Variants in AGMO observed in about 807,000 individuals in gnomAD.
AGMO encodes the protein alkylglycerol monooxygenase, also known as glyceryl-ether monooxygenase.
In AGMO, 75 loss-of-function variants were observed where a neutral mutation model predicts 60.2. The ratio of observed to expected loss-of-function variants is 1.25; its 90% confidence interval spans 1.03 to 1.51. The LOEUF (loss-of-function observed/expected upper bound fraction) is 1.51, where lower values mean the gene tolerates loss of function less well. Ranked by LOEUF, AGMO falls within the 40% of genes most tolerant of loss-of-function variation. The pLI is 0.00. For missense variants in AGMO, 763 were observed against 525.5 expected (o/e 1.45, Z -4.42); for synonymous variants, 261 against 177.1 (o/e 1.47, Z -3.76).
chr7:15,340,917 G>A (rs1471957545), intron 12 of AGMO, among the ~76,000 whole-genome samples: 1 of 152,110 alleles, frequency 6.6e-6, no homozygotes, highest in Non-Finnish European at 1.5e-5. Context: ...TTCACTGACA[G>A]CTTGCACCAT....
At chr7:15,118,600 C>T in the AGMO span, among the ~76,000 whole-genome samples, 6 of 152,136 alleles carry the variant, frequency 3.9e-5, 1 homozygote, top group Admixed American at 2.0e-4. Flanking sequence ...TAATATCTTC[C>T]GTGTAGGTAT....
the AGMO span, among the ~76,000 whole-genome samples, chr7:15,119,371 C>T: frequency 2.0e-5 from 3 of 152,044 alleles, no homozygotes; most frequent in Non-Finnish European, 4.4e-5. Context: ...ATAAATTACC[C>T]AGTCTTGGGT....
intron 12 of AGMO, among the ~76,000 whole-genome samples, chr7:15,352,110 G>C (rs777352246): frequency 3.3e-5 from 5 of 152,158 alleles, no homozygotes; most frequent in Non-Finnish European, 5.9e-5. Flanking sequence ...TTAAGCTATA[G>C]CAAGAAGACC....
At chr7:15,532,077 A>G (rs1784383276) in intron 3 of AGMO, among the ~76,000 whole-genome samples, 1 of 152,190 alleles carries the variant, frequency 6.6e-6, no homozygotes, top group Admixed American at 6.5e-5. Flanking sequence ...TATGACTGCA[A>G]TACTGTATGT....
chr7:15,174,781 A>G, the AGMO span, among the ~76,000 whole-genome samples: 1 of 152,008 alleles, frequency 6.6e-6, no homozygotes, highest in African/African-American at 2.4e-5. Flanking sequence ...CATTCCAAAA[A>G]TATTTTTTCT....
chr7:15,536,392 C>T (rs1784484676), intron 3 of AGMO, among the ~76,000 whole-genome samples: 1 of 152,012 alleles, frequency 6.6e-6, no homozygotes, highest in East Asian at 1.9e-4. Context: ...AGTACTTTTA[C>T]CAGCATCATC....
intron 12 of AGMO, among the ~76,000 whole-genome samples, chr7:15,339,354 T>A (rs972172758): frequency 2.0e-5 from 3 of 152,224 alleles, no homozygotes; most frequent in African/African-American, 4.8e-5. Context: ...GTCATTTTTT[T>A]AATTTGAAGA....
At position 15,394,179 on chromosome 7, in the gene AGMO, C is replaced by T. The variant is rs368244667; in HGVS notation, c.610G>A (p.Val204Ile). The part of the protein sequence containing the change: ...LLYQFWIHTE[V>I]INNLGPLELI... Reference sequence around the variant, plus strand: ...TCCAAAGGACCAAGGTTATTGATGACCTGTTTAAAACAGAAGGAATATTTA... The same window carrying T: ...TCCAAAGGACCAAGGTTATTGATGATCTGTTTAAAACAGAAGGAATATTTA... Residue 204 changes from valine to isoleucine, a missense_variant and splice_region_variant, in exon 6 of 13, where the codon GTC (valine) becomes ATC (isoleucine). By Grantham distance (29) the Val-to-Ile change is conservative (BLOSUM62 3). Coordinates refer to ENST00000342526, the MANE Select transcript of AGMO (RefSeq NM_001004320.2). 2 of 1,599,694 alleles carry T rather than the reference C, an allele frequency of 1.3e-6. No homozygotes were observed. The highest frequency in any genetic ancestry group is 8.6e-7 in the Non-Finnish European group (1 of 1,167,450).
At chr7:15,252,590 G>C (rs549895782) in intron 12 of AGMO, among the ~76,000 whole-genome samples, 1 of 152,294 alleles carries the variant, frequency 6.6e-6, no homozygotes, top group Non-Finnish European at 1.5e-5. Context: ...TGAACACCAC[G>C]TGAGCTAGGA....
At chr7:15,212,376 A>G (rs1378332709) in intron 12 of AGMO, among the ~76,000 whole-genome samples, 2 of 151,864 alleles carry the variant, frequency 1.3e-5, no homozygotes, top group African/African-American at 4.8e-5. Context: ...TCATTCACAA[A>G]TATTTATCTC....
intron 5 of AGMO, among the ~76,000 whole-genome samples, chr7:15,395,083 G>A (rs1252207461): frequency 6.6e-6 from 1 of 152,102 alleles, no homozygotes; most frequent in African/African-American, 2.4e-5. Context: ...ACCAACCATG[G>A]CAGATACCAA....
At chr7:15,299,344 T>C (rs1416375195) in intron 12 of AGMO, among the ~76,000 whole-genome samples, 1 of 152,176 alleles carries the variant, frequency 6.6e-6, no homozygotes, top group Non-Finnish European at 1.5e-5. Flanking sequence ...TATGTAATAC[T>C]GGTAAGAGTG....
At chr7:15,406,551 G>T in intron 5 of AGMO, among the ~76,000 whole-genome samples, 1 of 81,496 alleles carries the variant, frequency 1.2e-5, no homozygotes, top group African/African-American at 5.0e-5. Flanking sequence ...AGGCCCCTTT[G>T]TTTGGAATAC....
intron 3 of AGMO, among the ~76,000 whole-genome samples, chr7:15,473,403 C>G (rs74440313): frequency 6.6e-6 from 1 of 151,936 alleles, no homozygotes; most frequent in Non-Finnish European, 1.5e-5. Flanking sequence ...TTTTATGAGG[C>G]CAGCATCATC....
intron 12 of AGMO, among the ~76,000 whole-genome samples, chr7:15,202,458 C>CAAAAAAAAAAAAAAAAAAAAAAAAAAA (rs71004370): frequency 6.0e-4 from 27 of 45,364 alleles, no homozygotes; most frequent in African/African-American, 8.1e-4. Flanking sequence ...TACAAATGAG[C>CAAAAAAAAAAAAAAAAAAAAAAAAAAA]AAAAAAAAAA....
intron 12 of AGMO, among the ~76,000 whole-genome samples, chr7:15,210,678 A>G (rs1781564349): frequency 6.6e-6 from 1 of 152,068 alleles, no homozygotes; most frequent in Non-Finnish European, 1.5e-5. Context: ...ATTGCATTTA[A>G]TTTTCTGTCT....
chr7:15,461,625 G>T (rs1284844958), intron 3 of AGMO, among the ~76,000 whole-genome samples: 1 of 152,058 alleles, frequency 6.6e-6, no homozygotes, highest in African/African-American at 2.4e-5. Context: ...CGATCTGCTG[G>T]TCTCTCTAGA....
chr7:15,239,744 G>A (rs1342370450), intron 12 of AGMO, among the ~76,000 whole-genome samples: 3 of 152,032 alleles, frequency 2.0e-5, no homozygotes, highest in Non-Finnish European at 4.4e-5. Flanking sequence ...CTATGTAGGT[G>A]TTTCTTATTA....
In AGMO at chr7:15,207,761, C is replaced by G. The variant is rs569208577; in HGVS notation, c.1264-6402G>C. On this transcript the variant is annotated intron_variant, in intron 12 of 12. Coordinates refer to ENST00000342526, the MANE Select transcript of AGMO (RefSeq NM_001004320.2). Reference sequence around the variant, plus strand: ...CATCCTGGCTAACATGGTGAAACCACGTCTCTGCTAAAAATACAAAAAATT... The same window carrying G: ...CATCCTGGCTAACATGGTGAAACCAGGTCTCTGCTAAAAATACAAAAAATT... 2.0e-5 allele frequency among the ~76,000 whole-genome samples: 3 copies of G among 152,164 alleles called. No individual in the cohort carries two copies. In the East Asian group the frequency reaches 5.8e-4, roughly 30 times the overall value.
Sources: allele counts gnomAD v4.1 joint callset (sites outside exome capture counted in the v4.1 genomes callset), GRCh38; gene constraint gnomAD v4.1.1; transcripts MANE v1.5; gene names NCBI Gene and HGNC (gene_info 2026-07-23, HGNC 2026-07-21).